Variants in EPHA6 observed in about 807,000 individuals in gnomAD.
The protein encoded by EPHA6 is EPH receptor A6, also known as ephrin type-A receptor 6.
In EPHA6, 50 loss-of-function variants were observed where a neutral mutation model predicts 112.0. The observed-to-expected ratio is 0.45, with a 90% CI of 0.36 to 0.56. EPHA6 has a LOEUF of 0.56. Ranked by LOEUF, EPHA6 falls within the 20% of genes least tolerant of loss-of-function variation. The pLI is 0.00. For missense variants in EPHA6, 1,280 were observed against 1,417.4 expected (o/e 0.90, Z 1.56); for synonymous variants, 529 against 490.7 (o/e 1.08, Z -1.03).
intron 4 of EPHA6, among the ~76,000 whole-genome samples, chr3:97,241,665 C>T (rs1301901544): frequency 6.6e-6 from 1 of 151,060 alleles, no homozygotes; most frequent in Non-Finnish European, 1.5e-5. Flanking sequence ...CACAGTTTAG[C>T]TGGCATAATT....
chr3:97,433,317 T>C (rs1483139994), intron 6 of EPHA6, among the ~76,000 whole-genome samples: 2 of 152,194 alleles, frequency 1.3e-5, no homozygotes, highest in Non-Finnish European at 2.9e-5. Context: ...TAGTGTTATT[T>C]GATGAAGACT....
intron 11 of EPHA6, among the ~76,000 whole-genome samples, chr3:97,583,306 G>T (rs1050129677): frequency 6.6e-6 from 1 of 151,936 alleles, no homozygotes; most frequent in African/African-American, 2.4e-5. Flanking sequence ...TTGGGAAGCC[G>T]AGGCGGGTGT....
At position 97,168,434 on chromosome 3, in the gene EPHA6, A is replaced by G. The variant is rs190655362; in HGVS notation, c.1115-57830A>G. Reference sequence around the variant, plus strand: ...ACCATCCCCCTAGTGCTGTCTCATGATAGAGTTCTCAGGAGATCTGGTTGT... The same window carrying G: ...ACCATCCCCCTAGTGCTGTCTCATGGTAGAGTTCTCAGGAGATCTGGTTGT... On this transcript the variant is annotated intron_variant, in intron 3 of 17. Coordinates refer to ENST00000389672, the MANE Select transcript of EPHA6 (RefSeq NM_001080448.3). Among the ~76,000 whole-genome samples, 82 of 152,124 alleles carry G rather than the reference A, an allele frequency of 5.4e-4. 1 individual carries two copies. The East Asian group carries it at 0.011, about 20-fold the overall frequency.
intron 10 of EPHA6, among the ~76,000 whole-genome samples, chr3:97,516,464 G>T (rs1333671894): frequency 2.0e-5 from 3 of 152,144 alleles, no homozygotes; most frequent in Non-Finnish European, 4.4e-5. Flanking sequence ...TATGTAGAAG[G>T]TATGCTATAT....
At chr3:97,184,131 A>G (rs920163378) in intron 3 of EPHA6, among the ~76,000 whole-genome samples, 1 of 152,130 alleles carries the variant, frequency 6.6e-6, no homozygotes, top group Non-Finnish European at 1.5e-5. Flanking sequence ...TAGCTTTAAA[A>G]CAATTTCTTG....
chr3:97,021,651 T>C (rs969820846), intron 3 of EPHA6, among the ~76,000 whole-genome samples: 1 of 152,246 alleles, frequency 6.6e-6, no homozygotes, highest in African/African-American at 2.4e-5. Context: ...TCTTGCTGTG[T>C]CATCACATGG....
chr3:97,219,706 C>T (rs2078136566), intron 3 of EPHA6, among the ~76,000 whole-genome samples: 1 of 152,174 alleles, frequency 6.6e-6, no homozygotes, highest in African/African-American at 2.4e-5. Context: ...TCTGAAATGC[C>T]CCAGAAATAT....
chr3:97,599,726 C>T lies in EPHA6; in HGVS notation c.2512+6989C>T, dbSNP rs1353857464. 4.7e-4 allele frequency among the ~76,000 whole-genome samples: 72 copies of T among 152,236 alleles called. No individual in the cohort carries two copies. The South Asian group carries it at 0.014, about 30-fold the overall frequency. ...GATGCCTCCAGCTTTGTTCTTTTGGCTTAGGATTGACTTGGTGATGCGGGC... is the reference window on the plus strand; with the variant it reads ...GATGCCTCCAGCTTTGTTCTTTTGGTTTAGGATTGACTTGGTGATGCGGGC... On this transcript the variant is annotated intron_variant, in intron 12 of 17. Transcript: ENST00000389672.
intron 2 of EPHA6, among the ~76,000 whole-genome samples, chr3:96,981,518 T>A (rs2042778222): frequency 6.6e-6 from 1 of 152,076 alleles, no homozygotes; most frequent in Non-Finnish European, 1.5e-5. Context: ...TCTCTTTTTT[T>A]TTTGTTGTGT....
Position 97,244,205 on chromosome 3 carries a change from A to G in EPHA6, c.1524A>G (p.Glu508=), listed in dbSNP as rs773234297. 4 of 1,613,234 alleles carry G rather than the reference A, an allele frequency of 2.5e-6. No homozygotes were observed. Among genetic ancestry groups the G allele is most frequent in the Non-Finnish European group, 3.4e-6 (4 of 1,179,392 alleles). Residue 508 remains glutamate, a synonymous_variant, in exon 5 of 18, where the codon GAA becomes GAG. Transcript: ENST00000389672. The stretch of plus-strand genomic sequence containing the variant: ...TGTCTCACGTGAATTACACCTTTGA[A>G]ATAGAAGCAATGAATGGAGTTTCTG... ...DFVSHVNYTF[E]IEAMNGVSEL...
intron 14 of EPHA6, among the ~76,000 whole-genome samples, chr3:97,680,319 C>T (rs2031757794): frequency 6.6e-6 from 1 of 152,142 alleles, no homozygotes; most frequent in Non-Finnish European, 1.5e-5. Flanking sequence ...GAGAGATTCC[C>T]ATGTAGAAAC....
intron 1 of EPHA6, among the ~76,000 whole-genome samples, chr3:96,821,224 C>T (rs2033227772): frequency 6.6e-6 from 1 of 151,842 alleles, no homozygotes; most frequent in African/African-American, 2.4e-5. Flanking sequence ...TTTAATACTA[C>T]TACATGAAAA....
chr3:97,197,456 C>T lies in EPHA6; in HGVS notation c.1115-28808C>T, dbSNP rs189370643. 1.5e-4 allele frequency among the ~76,000 whole-genome samples: 23 copies of T among 151,926 alleles called. 1 individual carries two copies. In the East Asian group the frequency reaches 4.3e-3, roughly 28 times the overall value. On this transcript the variant is annotated intron_variant, in intron 3 of 17. Coordinates refer to ENST00000389672, the MANE Select transcript of EPHA6 (RefSeq NM_001080448.3). ...GGTTCTCTTCTGTCCAAGGGTGTGT[C>T]GAGAAATGTCATCTGGGAGCTAGGG...
chr3:97,324,443 T>TTCTTTCTTTCTTTCTC (rs1559883884), intron 5 of EPHA6, among the ~76,000 whole-genome samples: 2 of 148,292 alleles, frequency 1.3e-5, no homozygotes, highest in African/African-American at 5.1e-5. Context: ...CTTTCTTTCT[T>TTCTTTCTTTCTTTCTC]TCTTTCTTTC....
intron 1 of EPHA6, among the ~76,000 whole-genome samples, chr3:96,822,862 GA>G (rs1245068983): frequency 3.3e-5 from 5 of 151,316 alleles, no homozygotes; most frequent in African/African-American, 4.8e-5. Context: ...ATAACACCTA[GA>G]AATAGGAAAA....
chr3:97,369,873 A>T (rs1047490567), intron 5 of EPHA6, among the ~76,000 whole-genome samples: 18 of 152,228 alleles, frequency 1.2e-4, no homozygotes, highest in African/African-American at 4.3e-4. Context: ...ATATAACAGC[A>T]ATCTACCAGA....
intron 3 of EPHA6, among the ~76,000 whole-genome samples, chr3:97,154,653 G>A (rs1431951935): frequency 6.6e-6 from 1 of 152,094 alleles, no homozygotes; most frequent in Non-Finnish European, 1.5e-5. Flanking sequence ...ACATTTTATT[G>A]CTTGTGTAAT....
chr3:97,414,222 T>A (rs957588889), intron 6 of EPHA6, among the ~76,000 whole-genome samples: 2 of 152,088 alleles, frequency 1.3e-5, no homozygotes, highest in African/African-American at 4.8e-5. Flanking sequence ...TAATTTTTTA[T>A]ATAGATTTGT....
chr3:96,988,122 TATACTGATCAG>T, intron 3 of EPHA6, 129 bp downstream of exon 3: 7 of 595,958 alleles, frequency 1.2e-5, no homozygotes, highest in Non-Finnish European at 1.6e-5. Flanking sequence ...ACATATAATG[TATACTGATCAG>T]ATCAAAGTAG....
Sources: allele counts gnomAD v4.1 joint callset (sites outside exome capture counted in the v4.1 genomes callset), GRCh38; gene constraint gnomAD v4.1.1; transcripts MANE v1.5; gene names NCBI Gene and HGNC (gene_info 2026-07-23, HGNC 2026-07-21).